ZNF385B: variants seen among roughly 807,000 people sequenced by gnomAD.
ZNF385B encodes zinc finger protein 533.
Under a neutral mutation model 39.2 loss-of-function variants are expected in ZNF385B, and 23 were observed. The observed-to-expected ratio is 0.59, with a 90% CI of 0.42 to 0.83. The LOEUF is 0.83. Ranked by LOEUF, ZNF385B falls within the 40% of genes least tolerant of loss-of-function variation. The probability of loss-of-function intolerance (pLI) is 0.00; values close to 1 mark genes in which losing one functional copy is unlikely to be tolerated. For missense variants in ZNF385B, 552 were observed against 598.9 expected, an observed-to-expected ratio of 0.92 and a Z score of 0.82; for synonymous variants, 205 against 222.6, an observed-to-expected ratio of 0.92 and a Z score of 0.70.
rs574618602 is a variant in ZNF385B at position 179,795,094 on chromosome 2, A to T, written c.-154-24422T>A. Among the ~76,000 whole-genome samples the T allele has an allele frequency of 2.1e-4, 32 of 152,294 alleles. 1 individual carries two copies. The South Asian group carries it at 6.4e-3, about 31-fold the overall frequency. On this transcript the variant is annotated intron_variant, in intron 1 of 9. Coordinates refer to ENST00000410066, the MANE Select transcript of ZNF385B (RefSeq NM_152520.6). ...GAAAAATGTTTTCTAGAGAGAAAAA[A>T]TTTGAGTGACTTTGAAGATATAATA...
intron 6 of ZNF385B, among the ~76,000 whole-genome samples, chr2:179,474,535 T>C (rs1007304781): frequency 2.0e-5 from 3 of 152,186 alleles, no homozygotes; most frequent in African/African-American, 2.4e-5. Context: ...CTTTCTAATA[T>C]CCATCAGAAT....
chr2:179,766,303 T>C (rs1297313924), intron 3 of ZNF385B, among the ~76,000 whole-genome samples: 5 of 152,124 alleles, frequency 3.3e-5, no homozygotes, highest in African/African-American at 9.6e-5. Flanking sequence ...CCTCTTAAAT[T>C]AACAGTTCTT....
intron 1 of ZNF385B, among the ~76,000 whole-genome samples, chr2:179,774,886 G>A (rs907069913): frequency 1.1e-4 from 16 of 152,232 alleles, no homozygotes; most frequent in Non-Finnish European, 2.9e-5. Context: ...CAGCATCCAT[G>A]TGACATTAGC....
At chr2:179,747,792 C>T (rs561674460) in intron 3 of ZNF385B, among the ~76,000 whole-genome samples, 3 of 152,152 alleles carry the variant, frequency 2.0e-5, no homozygotes, top group African/African-American at 7.2e-5. Flanking sequence ...TTATATAATG[C>T]CTCCAGTGGC....
intron 3 of ZNF385B, among the ~76,000 whole-genome samples, chr2:179,724,581 T>C (rs1700888828): frequency 6.6e-6 from 1 of 152,238 alleles, no homozygotes; most frequent in Non-Finnish European, 1.5e-5. Context: ...GTTTATCTAA[T>C]GGAAAGCCAT....
rs78139268 is a variant in ZNF385B at position 179,731,717 on chromosome 2, T to C, written c.298+37786A>G. 4.6e-4 allele frequency among the ~76,000 whole-genome samples: 70 copies of C among 151,882 alleles called. No homozygotes were observed. In the East Asian group the frequency reaches 0.013, roughly 28 times the overall value. On this transcript the variant is annotated intron_variant, in intron 3 of 9. Coordinates refer to ENST00000410066, the MANE Select transcript of ZNF385B (RefSeq NM_152520.6). ...TGAGAGGATCATTTGAGCCCAGGAG[T>C]TCAAGGAAGCAGTGAGCTGTGATTG...
intron 3 of ZNF385B, among the ~76,000 whole-genome samples, chr2:179,604,033 C>T (rs1010854431): frequency 6.6e-6 from 1 of 152,080 alleles, no homozygotes; most frequent in Non-Finnish European, 1.5e-5. Flanking sequence ...AAAAATAATG[C>T]TACATTCTTC....
chr2:179,858,959 AG>A (rs1684821429), intron 1 of ZNF385B, among the ~76,000 whole-genome samples: 1 of 152,240 alleles, frequency 6.6e-6, no homozygotes, highest in Non-Finnish European at 1.5e-5. Flanking sequence ...TGGCCAGTCC[AG>A]GGACTTAAGA....
intron 3 of ZNF385B, among the ~76,000 whole-genome samples, chr2:179,767,113 T>C (rs763059772): frequency 6.6e-6 from 1 of 152,096 alleles, no homozygotes; most frequent in Non-Finnish European, 1.5e-5. Context: ...GCACATACAG[T>C]CAAGGAATGA....
intron 3 of ZNF385B, among the ~76,000 whole-genome samples, chr2:179,610,610 T>G (rs12986652): frequency 0.11 from 16,417 of 152,176 alleles, 1,055 homozygotes; most frequent in Middle Eastern, 0.2. Flanking sequence ...GATATTTTGC[T>G]GGGGATTGCA....
At chr2:179,457,216 T>C (rs963501341) in intron 6 of ZNF385B, among the ~76,000 whole-genome samples, 1 of 152,214 alleles carries the variant, frequency 6.6e-6, no homozygotes, top group Non-Finnish European at 1.5e-5. Flanking sequence ...AGAAGGATAT[T>C]TTTTCACTGC....
At chr2:179,847,264 A>G (rs1708845092) in intron 1 of ZNF385B, among the ~76,000 whole-genome samples, 1 of 152,216 alleles carries the variant, frequency 6.6e-6, no homozygotes, top group South Asian at 2.1e-4. Flanking sequence ...TATACCCTGC[A>G]GGATAGCACA....
chr2:179,612,811 TC>T (rs544424586), intron 3 of ZNF385B, among the ~76,000 whole-genome samples: 256 of 152,308 alleles, frequency 1.7e-3, no homozygotes, highest in African/African-American at 5.8e-3. Context: ...CTTATGTCCT[TC>T]CCTTCAAAGT....
intron 3 of ZNF385B, among the ~76,000 whole-genome samples, chr2:179,704,440 A>T (rs1012658819): frequency 5.3e-5 from 8 of 152,198 alleles, no homozygotes; most frequent in African/African-American, 1.9e-4. Context: ...ATTTTACAGG[A>T]AGCATGTATG....
intron 9 of ZNF385B, 28 bp from the exon 10 acceptor site, chr2:179,443,496 G>A (rs1197542215): frequency 2.6e-6 from 4 of 1,536,876 alleles, no homozygotes; most frequent in Non-Finnish European, 3.5e-6. Flanking sequence ...CCAGGAATGG[G>A]GTGGAGATCC....
chr2:179,629,941 G>A (rs979727296), intron 3 of ZNF385B, among the ~76,000 whole-genome samples: 7 of 152,238 alleles, frequency 4.6e-5, no homozygotes, highest in Admixed American at 1.3e-4. Context: ...ATTGAATTGC[G>A]AGGCAGCAGC....
chr2:179,504,869 C>T (rs1355304934), intron 5 of ZNF385B, among the ~76,000 whole-genome samples: 2 of 151,478 alleles, frequency 1.3e-5, no homozygotes, highest in Non-Finnish European at 2.9e-5. Context: ...GAGGACAGCA[C>T]CAAGGGGGAT....
chr2:179,536,939 C>G (rs919991513), intron 4 of ZNF385B, among the ~76,000 whole-genome samples: 1 of 151,952 alleles, frequency 6.6e-6, no homozygotes, highest in Non-Finnish European at 1.5e-5. Context: ...AAAACAAAGC[C>G]CTTAGTAAGA....
intron 1 of ZNF385B, among the ~76,000 whole-genome samples, chr2:179,804,401 C>T (rs1469598233): frequency 6.6e-6 from 1 of 152,144 alleles, no homozygotes; most frequent in African/African-American, 2.4e-5. Context: ...TTACTCAGAG[C>T]CTGATTTCCA....
Sources: gnomAD v4.1 joint callset for allele counts (sites outside exome capture counted in the v4.1 genomes callset) on GRCh38, gnomAD v4.1.1 for gene constraint, MANE v1.5 for transcripts, NCBI Gene and HGNC (gene_info 2026-07-23, HGNC 2026-07-21) for gene names.